ALMS1: variants seen among roughly 807,000 people sequenced by gnomAD.
ALMS1 encodes ALMS1 centrosome and basal body associated protein, also known as centrosome-associated protein ALMS1.
ALMS1 carries 271 observed loss-of-function variants against 352.2 expected under a neutral mutation model. That is an observed-to-expected ratio of 0.77 (90% CI 0.70 to 0.85). ALMS1 has a LOEUF of 0.85. ALMS1 is among the 40% of genes least tolerant of loss of function. The pLI is 0.00. For synonymous variants in ALMS1, 1,865 were observed against 1,761.2 expected (o/e 1.06, Z -1.48); for missense variants, 5,445 against 4,870.7 (o/e 1.12, Z -3.51).
chr2:73,421,075 C>G (rs1671273437), intron 3 of ALMS1, among the ~76,000 whole-genome samples: 1 of 152,176 alleles, frequency 6.6e-6, no homozygotes. Context: ...AACTCTTCAG[C>G]TTTGGCCTGC....
At chr2:73,542,082 C>A (rs1674196682) in intron 12 of ALMS1, among the ~76,000 whole-genome samples, 1 of 152,138 alleles carries the variant, frequency 6.6e-6, no homozygotes, top group Non-Finnish European at 1.5e-5. Context: ...GAATTTTAGA[C>A]CAATATCCCT....
At chr2:73,520,776 C>T (rs1197031800) in intron 11 of ALMS1, among the ~76,000 whole-genome samples, 2 of 152,148 alleles carry the variant, frequency 1.3e-5, no homozygotes, top group African/African-American at 4.8e-5. Flanking sequence ...GCTATAGTTT[C>T]AGTGATATTT....
Position 73,451,684 on chromosome 2 carries a change from T to C in ALMS1, c.5157T>C (p.Ile1719=). ...TATACTCATATAGAGAGAAGCCCAT[T>C]GTCTTCTACCAACAGGCCCTGCCAG... is the stretch of plus-strand genomic sequence containing the variant. ...SSLYSYREKP[I]VFYQQALPDS... is the part of the protein sequence containing the mutation. Residue 1719 remains isoleucine, a synonymous_variant, in exon 8 of 23, where the codon ATT becomes ATC. Coordinates refer to ENST00000613296, the MANE Select transcript of ALMS1 (RefSeq NM_001378454.1). 1.2e-6 allele frequency: 2 copies of C among 1,614,004 alleles called. No homozygotes were observed. The highest frequency in any genetic ancestry group is 2.2e-5 in the South Asian group (2 of 91,064).
chr2:73,464,385 A>C (rs1254308004), intron 9 of ALMS1, among the ~76,000 whole-genome samples: 1 of 152,256 alleles, frequency 6.6e-6, no homozygotes, highest in African/African-American at 2.4e-5. Context: ...GCCTTTGACA[A>C]AATTCAACAA....
rs371920219 is a variant in ALMS1, at chr2:73,486,774, C to T, written c.7675-2860C>T. ...ATAGGGAAAAGTACATCTGGCCAGG[C>T]GCAGTGGCTCATGCCTGTAATCCCA... On this transcript the variant is annotated intron_variant, in intron 9 of 22. Coordinates refer to ENST00000613296, the MANE Select transcript of ALMS1 (RefSeq NM_001378454.1). Among the ~76,000 whole-genome samples, 11 of 152,166 alleles carry T rather than the reference C, an allele frequency of 7.2e-5. No homozygotes were observed. In the East Asian group the frequency reaches 1.2e-3, roughly 16 times the overall value.
chr2:73,568,992 C>CCTCTTTTTTTTTTTTTTTTTTTTTTT (rs1558697963), intron 15 of ALMS1, among the ~76,000 whole-genome samples: 1 of 66,904 alleles, frequency 1.5e-5, no homozygotes, highest in African/African-American at 5.2e-5. Context: ...GCTGCTTCTG[C>CCTCTTTTTTTTTTTTTTTTTTTTTTT]TTCTTTTTTT....
chr2:73,464,246 C>T (rs1672274917), intron 9 of ALMS1, among the ~76,000 whole-genome samples: 1 of 152,184 alleles, frequency 6.6e-6, no homozygotes, highest in Non-Finnish European at 1.5e-5. Context: ...GCTTATCCAC[C>T]ATGATCAAGT....
chr2:73,562,304 T>C (rs1191124872), intron 15 of ALMS1, among the ~76,000 whole-genome samples: 2 of 152,160 alleles, frequency 1.3e-5, no homozygotes, highest in South Asian at 4.2e-4. Context: ...TAGCTGGGAC[T>C]GTAGGCACAT....
chr2:73,539,466 G>A (rs534769873), intron 12 of ALMS1, among the ~76,000 whole-genome samples: 7 of 152,276 alleles, frequency 4.6e-5, no homozygotes, highest in South Asian at 4.2e-4. Context: ...AAATCGGAGC[G>A]CCTCTCCTCC....
At chr2:73,467,506 G>A (rs1672380518) in intron 9 of ALMS1, among the ~76,000 whole-genome samples, 1 of 152,072 alleles carries the variant, frequency 6.6e-6, no homozygotes, top group Non-Finnish European at 1.5e-5. Flanking sequence ...TTGCTGATGG[G>A]AAGGTAAACT....
intron 1 of ALMS1, among the ~76,000 whole-genome samples, chr2:73,392,509 TC>T (rs1211787797): frequency 6.6e-6 from 1 of 152,136 alleles, no homozygotes; most frequent in Non-Finnish European, 1.5e-5. Context: ...TTAGCTGATA[TC>T]CCCCGTCTTC....
intron 12 of ALMS1, among the ~76,000 whole-genome samples, chr2:73,537,929 C>G (rs1046347814): frequency 3.3e-5 from 5 of 152,056 alleles, no homozygotes; most frequent in Admixed American, 2.0e-4. Context: ...TCACTTGAAC[C>G]CTCGAGTTTA....
rs187916312 is a variant in ALMS1 at position 73,405,980 on chromosome 2, A to T, written c.325-2642A>T. On this transcript the variant is annotated intron_variant, in intron 1 of 22. Transcript: ENST00000613296. ...GGGGAATGTTTCACGTGCACTTGAG[A>T]AGAATGTATATTGTGCTGTTGTTGG... Among the ~76,000 whole-genome samples, 11 of 152,300 alleles carry T rather than the reference A, an allele frequency of 7.2e-5. No homozygotes were observed. The East Asian group carries it at 2.1e-3, about 29-fold the overall frequency.
At chr2:73,590,501 A>G (rs1403753698) in intron 16 of ALMS1, among the ~76,000 whole-genome samples, 1 of 152,110 alleles carries the variant, frequency 6.6e-6, no homozygotes, top group Non-Finnish European at 1.5e-5. Flanking sequence ...TAATTTTGCT[A>G]ATGCTTTAAA....
intron 16 of ALMS1, among the ~76,000 whole-genome samples, chr2:73,580,525 A>T (rs1267668021): frequency 6.6e-6 from 1 of 152,220 alleles, no homozygotes; most frequent in Non-Finnish European, 1.5e-5. Flanking sequence ...CAGTTGATTT[A>T]AAGCTTTTGC....
chr2:73,417,349 A>G (rs984589451), intron 2 of ALMS1, among the ~76,000 whole-genome samples: 6 of 152,184 alleles, frequency 3.9e-5, no homozygotes, highest in African/African-American at 1.4e-4. Context: ...GATTTTTGGA[A>G]CTAATAGATT....
chr2:73,541,454 T>A (rs1409280878), intron 12 of ALMS1, among the ~76,000 whole-genome samples: 1 of 151,956 alleles, frequency 6.6e-6, no homozygotes, highest in African/African-American at 2.4e-5. Context: ...AACATCACAA[T>A]TAAAAGAACT....
rs12575351 is a variant in ALMS1, at chr2:73,506,099, G to A, written c.9540-13676G>A. On this transcript the variant is annotated intron_variant, in intron 10 of 22. Coordinates refer to ENST00000613296, the MANE Select transcript of ALMS1 (RefSeq NM_001378454.1). Reference sequence around the variant, plus strand: ...GTTTGTCAAAGATCAGATGGTTGTAGATGTGTGGTGTTATTTCTGAAGCCC... The same window carrying A: ...GTTTGTCAAAGATCAGATGGTTGTAAATGTGTGGTGTTATTTCTGAAGCCC... Among the ~76,000 whole-genome samples, 505 of 152,308 alleles carry A rather than the reference G, an allele frequency of 3.3e-3. 24 individuals carry two copies. The East Asian group carries it at 0.08, about 24-fold the overall frequency.
intron 9 of ALMS1, chr2:73,459,266 A>G (rs1672135905): frequency 6.6e-6 from 1 of 152,170 alleles, no homozygotes; most frequent in South Asian, 2.1e-4. Flanking sequence ...CAGGAGGCAC[A>G]TTATGTTGAT....
Sources: gnomAD v4.1 joint callset for allele counts (sites outside exome capture counted in the v4.1 genomes callset) on GRCh38, gnomAD v4.1.1 for gene constraint, MANE v1.5 for transcripts, NCBI Gene and HGNC (gene_info 2026-07-23, HGNC 2026-07-21) for gene names.